Variants in PRKACB observed in about 807,000 individuals in gnomAD.
PRKACB encodes the protein cAMP-dependent protein kinase catalytic subunit beta.
In PRKACB, 16 loss-of-function variants were observed where a neutral mutation model predicts 51.4. That is an observed-to-expected ratio of 0.31 (90% CI 0.21 to 0.47). The LOEUF is 0.47. Among genes scored for constraint, PRKACB ranks in the 20% least tolerant of loss-of-function variants. The probability of loss-of-function intolerance (pLI) is 1.00; values close to 1 mark genes in which losing one functional copy is unlikely to be tolerated. For synonymous variants in PRKACB, 147 were observed against 154.4 expected, an observed-to-expected ratio of 0.95 and a Z score of 0.35; for missense variants, 309 against 464.5, an observed-to-expected ratio of 0.67 and a Z score of 3.08.
At chr1:84,194,905 T>A (rs898279146) in intron 5 of PRKACB, among the ~76,000 whole-genome samples, 7 of 152,136 alleles carry the variant, frequency 4.6e-5, no homozygotes, top group Non-Finnish European at 1.0e-4. Context: ...CACTCCAGCC[T>A]GGTGACAGAG....
chr1:84,112,198 T>C (rs950240607), intron 1 of PRKACB, among the ~76,000 whole-genome samples: 1 of 151,318 alleles, frequency 6.6e-6, no homozygotes, highest in African/African-American at 2.4e-5. Flanking sequence ...CATTTCATAA[T>C]AGATGGTGTC....
In PRKACB at chr1:84,196,703, A is replaced by G. The variant is rs1342648264; in HGVS notation, c.648A>G (p.Lys216=). The G allele has an allele frequency of 6.2e-7, 1 of 1,612,944 alleles. No homozygotes were observed. The change falls in exon 6 of 10, where the codon AAA becomes AAG. Residue 216 remains lysine, a synonymous_variant. Coordinates refer to ENST00000370685, the MANE Select transcript of PRKACB (RefSeq NM_182948.4). The part of the protein sequence containing the change: ...HSLDLIYRDL[K]PENLLIDHQG... ...TAGACCTCATCTACAGAGATCTAAA[A>G]CCTGAAAATCTCTTAATTGACCATC...
chr1:84,116,909 A>G (rs948990799), intron 1 of PRKACB, among the ~76,000 whole-genome samples: 3 of 152,128 alleles, frequency 2.0e-5, no homozygotes, highest in Admixed American at 6.5e-5. Context: ...CTTAGAGGAA[A>G]GGTTTTCAAC....
Position 84,112,225 on chromosome 1 carries a change from C to CTTTTTT in PRKACB, c.46+33870_46+33875dup, listed in dbSNP as rs905575496. ...GATGGTGTCCTAAGTTGGACTGCTT[C>CTTTTTT]TTTTTTTTTTTTTTTTTTTTTGTTT... On this transcript the variant is annotated intron_variant, in intron 1 of 8. Coordinates refer to the PRKACB transcript ENST00000370688. Among the ~76,000 whole-genome samples, 237 of 120,032 alleles carry CTTTTTT rather than the reference C, an allele frequency of 2.0e-3. 1 individual carries two copies. Among genetic ancestry groups the CTTTTTT allele is most frequent in the Middle Eastern group, 4.9e-3 (1 of 204 alleles). 78.7% of individuals were successfully genotyped at this position (120,032 alleles called of 152,430 possible).
intron 1 of PRKACB, chr1:84,178,876 T>A (rs1429707753): frequency 5.5e-6 from 1 of 181,028 alleles, no homozygotes; most frequent in Non-Finnish European, 1.1e-5. Flanking sequence ...TTGTCCTAAA[T>A]TAATTTCTGA....
intron 1 of PRKACB, among the ~76,000 whole-genome samples, chr1:84,158,310 T>A (rs958189435): frequency 1.3e-5 from 2 of 152,172 alleles, no homozygotes; most frequent in African/African-American, 4.8e-5. Flanking sequence ...GTGCTGAGAT[T>A]ACAGGCATGA....
chr1:84,214,155 C>T lies in PRKACB; in HGVS notation c.909C>T (p.Val303=). The change falls in exon 9 of 10, where the codon GTC becomes GTT. Residue 303 remains valine (V), a splice_region_variant and synonymous_variant. Coordinates refer to ENST00000370685, the MANE Select transcript of PRKACB (RefSeq NM_182948.4). The part of the protein sequence containing the change: ...QIYEKIVSGK[V]RFPSHFSSDL... ...TACCAAATGGTGTGTTTGTGTAGGT[C>T]CGATTCCCATCCCACTTCAGTTCAG... 1 of 1,607,812 alleles carries T rather than the reference C, an allele frequency of 6.2e-7. No individual in the cohort carries two copies. The highest frequency in any genetic ancestry group is 1.1e-5 in the South Asian group (1 of 89,730).
intron 7 of PRKACB, among the ~76,000 whole-genome samples, chr1:84,199,069 G>A (rs1176735562): frequency 4.1e-5 from 2 of 49,236 alleles, no homozygotes; most frequent in African/African-American, 8.6e-5. Flanking sequence ...GCGTATATAT[G>A]CATATATGTA....
At chr1:84,179,444 C>T (rs1038145041) in intron 2 of PRKACB, among the ~76,000 whole-genome samples, 1 of 151,636 alleles carries the variant, frequency 6.6e-6, no homozygotes, top group Admixed American at 6.6e-5. Context: ...AAATAATTTC[C>T]AGTATAATAC....
At chr1:84,100,306 G>T (rs932810683) in intron 1 of PRKACB, among the ~76,000 whole-genome samples, 1 of 152,082 alleles carries the variant, frequency 6.6e-6, no homozygotes, top group African/African-American at 2.4e-5. Context: ...CCCTCAACAC[G>T]TGGGGATTAT....
chr1:84,156,907 A>G (rs1294171948), intron 1 of PRKACB, among the ~76,000 whole-genome samples: 4 of 152,004 alleles, frequency 2.6e-5, no homozygotes, highest in African/African-American at 7.2e-5. Context: ...AGCATTCACT[A>G]TTTCTGTTGC....
intron 5 of PRKACB, among the ~76,000 whole-genome samples, chr1:84,187,345 A>C (rs564662866): frequency 6.6e-6 from 1 of 152,278 alleles, no homozygotes; most frequent in South Asian, 2.1e-4. Flanking sequence ...TTACAATATT[A>C]TTTGGTTAAG....
chr1:84,166,307 T>G (rs1313944968), intron 1 of PRKACB, among the ~76,000 whole-genome samples: 1 of 151,752 alleles, frequency 6.6e-6, no homozygotes, highest in East Asian at 1.9e-4. Flanking sequence ...GTCATACATA[T>G]ATTTATTTGA....
At chr1:84,186,463 C>T (rs1416205463) in intron 5 of PRKACB, among the ~76,000 whole-genome samples, 1 of 152,024 alleles carries the variant, frequency 6.6e-6, no homozygotes, top group African/African-American at 2.4e-5. Flanking sequence ...AAGTGATCCA[C>T]CCTCCTTGGC....
chr1:84,232,295 A>G (rs2101705496), intron 9 of PRKACB, among the ~76,000 whole-genome samples: 1 of 152,002 alleles, frequency 6.6e-6, no homozygotes, highest in Non-Finnish European at 1.5e-5. Flanking sequence ...ATAGTTTGTT[A>G]TAATTTCTGT....
At position 84,085,938 on chromosome 1, in the gene PRKACB, T is replaced by G. The variant is rs530649459; in HGVS notation, c.46+7567T>G. 21 of 687,798 alleles carry G rather than the reference T, an allele frequency of 3.1e-5. No homozygotes were observed. In the East Asian group the frequency reaches 4.7e-4, roughly 15 times the overall value. 42.6% of individuals were successfully genotyped at this position (687,798 alleles called of 1,614,324 possible). Reference sequence around the variant, plus strand: ...CCTCAATGACCATTAATATCCAGGATGGACCTGACTTTCAAGACCAACAGT... The same window carrying G: ...CCTCAATGACCATTAATATCCAGGAGGGACCTGACTTTCAAGACCAACAGT... On this transcript the variant is annotated intron_variant, in intron 1 of 8. Coordinates refer to the PRKACB transcript ENST00000370688.
At chr1:84,182,779 G>C (rs879668336) in intron 3 of PRKACB, among the ~76,000 whole-genome samples, 4 of 119,214 alleles carry the variant, frequency 3.4e-5, no homozygotes, top group Non-Finnish European at 8.6e-5. Flanking sequence ...TTGAGCACCT[G>C]GGCATTTTGG....
At chr1:84,221,518 G>A (rs868573175) in intron 9 of PRKACB, among the ~76,000 whole-genome samples, 7 of 151,564 alleles carry the variant, frequency 4.6e-5, no homozygotes, top group South Asian at 4.2e-4. Flanking sequence ...AGTTCCTTGA[G>A]GTACGTTATT....
intron 9 of PRKACB, among the ~76,000 whole-genome samples, chr1:84,227,536 T>C (rs1048754879): frequency 2.0e-5 from 3 of 152,180 alleles, no homozygotes; most frequent in African/African-American, 4.8e-5. Context: ...ACTTATCTAT[T>C]CCTATTATGT....
Sources: gnomAD v4.1 joint callset for allele counts (sites outside exome capture counted in the v4.1 genomes callset) on GRCh38, gnomAD v4.1.1 for gene constraint, MANE v1.5 for transcripts, NCBI Gene and HGNC (gene_info 2026-07-23, HGNC 2026-07-21) for gene names.